PXDNL: variants seen among roughly 807,000 people sequenced by gnomAD.
PXDNL encodes peroxidasin like, also known as probable oxidoreductase PXDNL.
Under a neutral mutation model 150.8 loss-of-function variants are expected in PXDNL, and 145 were observed. The observed-to-expected ratio is 0.96, with a 90% CI of 0.84 to 1.10. PXDNL has a LOEUF of 1.10. PXDNL is among the 50% of genes least tolerant of loss of function. The probability of loss-of-function intolerance (pLI) is 0.00; values close to 1 mark genes in which losing one functional copy is unlikely to be tolerated. For synonymous variants in PXDNL, 757 were observed against 725.7 expected (o/e 1.04, Z -0.69); for missense variants, 2,087 against 1,873.9 (o/e 1.11, Z -2.10).
chr8:51,524,094 G>T (rs536941696), intron 4 of PXDNL, among the ~76,000 whole-genome samples: 88 of 152,128 alleles, frequency 5.8e-4, no homozygotes, highest in African/African-American at 2.0e-3. Context: ...TTGTCCACAG[G>T]GATTTGCCAC....
At chr8:51,325,449 T>C (rs1404073637) in intron 21 of PXDNL, among the ~76,000 whole-genome samples, 3 of 152,150 alleles carry the variant, frequency 2.0e-5, no homozygotes, top group Non-Finnish European at 4.4e-5. Context: ...GTTCTCTTCA[T>C]TACTGCTGGG....
chr8:51,740,565 C>T lies in PXDNL; in HGVS notation c.164+68616G>A, dbSNP rs569628969. On this transcript the variant is annotated intron_variant, in intron 1 of 22. Coordinates refer to ENST00000356297, the MANE Select transcript of PXDNL (RefSeq NM_144651.5). The stretch of plus-strand genomic sequence containing the variant: ...GGTATCTCATTGCGGTTTAGATTTG[C>T]ATTTCTCTAATGATCAGTGATTTGC... 1.5e-4 allele frequency among the ~76,000 whole-genome samples: 23 copies of T among 152,280 alleles called. No individual in the cohort carries two copies. In the South Asian group the frequency reaches 4.1e-3, roughly 27 times the overall value.
chr8:51,586,522 A>G (rs1230971714), intron 3 of PXDNL, among the ~76,000 whole-genome samples: 2 of 152,198 alleles, frequency 1.3e-5, no homozygotes, highest in Admixed American at 6.5e-5. Context: ...TAAGATTGTC[A>G]TTAAAACCCA....
chr8:51,477,946 G>T (rs916125470), intron 6 of PXDNL, among the ~76,000 whole-genome samples: 1 of 151,864 alleles, frequency 6.6e-6, no homozygotes, highest in Non-Finnish European at 1.5e-5. Context: ...ACAACAAAAG[G>T]ATATAGATTT....
At chr8:51,591,000 G>C (rs1424133051) in intron 3 of PXDNL, among the ~76,000 whole-genome samples, 1 of 152,206 alleles carries the variant, frequency 6.6e-6, no homozygotes, top group Admixed American at 6.5e-5. Flanking sequence ...TTGTCACTGT[G>C]ATGGTATTAA....
chr8:51,773,085 G>A (rs867953339), intron 1 of PXDNL, among the ~76,000 whole-genome samples: 2 of 152,184 alleles, frequency 1.3e-5, no homozygotes, highest in Non-Finnish European at 1.5e-5. Flanking sequence ...AGAAATAGCA[G>A]GATGATAATA....
chr8:51,545,763 G>A (rs4595114), intron 4 of PXDNL, among the ~76,000 whole-genome samples: 30,036 of 152,028 alleles, frequency 0.2, 3,647 homozygotes, highest in African/African-American at 0.33. Flanking sequence ...ATGAGGGCAC[G>A]GTCTTCTTGG....
intron 4 of PXDNL, among the ~76,000 whole-genome samples, chr8:51,530,381 C>A (rs993928270): frequency 5.3e-5 from 8 of 151,920 alleles, no homozygotes; most frequent in African/African-American, 1.9e-4. Flanking sequence ...AACAGTTCTC[C>A]GCTGCTCCTC....
chr8:51,346,364 T>C (rs1055520782), intron 19 of PXDNL, among the ~76,000 whole-genome samples: 1 of 152,206 alleles, frequency 6.6e-6, no homozygotes, highest in Non-Finnish European at 1.5e-5. Flanking sequence ...GCACACCTGA[T>C]ACCCACTAGG....
Position 51,677,870 on chromosome 8 carries a change from T to C in PXDNL, c.165-23110A>G, listed in dbSNP as rs186319588. Among the ~76,000 whole-genome samples, 8 of 152,350 alleles carry C rather than the reference T, an allele frequency of 5.3e-5. No individual in the cohort carries two copies. In the East Asian group the frequency reaches 1.5e-3, roughly 29 times the overall value. On this transcript the variant is annotated intron_variant, in intron 1 of 22. Transcript: ENST00000356297. ...TTTAACTCCTCAAGTATTTGGTAGC[T>C]GCACTAAACCATAAGGATAGCTGGG...
At chr8:51,422,985 A>G (rs1374344149) in intron 14 of PXDNL, among the ~76,000 whole-genome samples, 1 of 152,244 alleles carries the variant, frequency 6.6e-6, no homozygotes, top group Non-Finnish European at 1.5e-5. Flanking sequence ...TATATTTTTT[A>G]TAAGACTACA....
At chr8:51,666,162 C>A (rs1585659825) in intron 1 of PXDNL, among the ~76,000 whole-genome samples, 1 of 152,212 alleles carries the variant, frequency 6.6e-6, no homozygotes, top group African/African-American at 2.4e-5. Context: ...AGTCAGTGAA[C>A]TGGAGTCATC....
At chr8:51,468,462 T>C (rs1250180505) in intron 8 of PXDNL, among the ~76,000 whole-genome samples, 1 of 150,750 alleles carries the variant, frequency 6.6e-6, no homozygotes, top group African/African-American at 2.5e-5. Flanking sequence ...TTTGTTTACC[T>C]ATCGACTTTC....
At chr8:51,357,302 A>C (rs1355390046) in intron 19 of PXDNL, among the ~76,000 whole-genome samples, 1 of 152,228 alleles carries the variant, frequency 6.6e-6, no homozygotes. Flanking sequence ...GAGTACACAC[A>C]GAAGCAGCAC....
At chr8:51,700,795 TAC>T (rs1170428210) in intron 1 of PXDNL, among the ~76,000 whole-genome samples, 1 of 150,714 alleles carries the variant, frequency 6.6e-6, no homozygotes, top group Non-Finnish European at 1.5e-5. Flanking sequence ...TATAAACACA[TAC>T]ACACAAATGC....
intron 1 of PXDNL, among the ~76,000 whole-genome samples, chr8:51,729,832 C>T (rs1158606012): frequency 6.6e-6 from 1 of 152,094 alleles, no homozygotes; most frequent in Admixed American, 6.6e-5. Flanking sequence ...CATAAAAAGA[C>T]ATGGAGGAAA....
chr8:51,381,541 A>G (rs1394324780), intron 17 of PXDNL, among the ~76,000 whole-genome samples: 1 of 152,156 alleles, frequency 6.6e-6, no homozygotes, highest in Non-Finnish European at 1.5e-5. Flanking sequence ...TGGTAATACT[A>G]TTTGGAGGTA....
chr8:51,389,611 A>G (rs1032028972), intron 17 of PXDNL, among the ~76,000 whole-genome samples: 1 of 152,238 alleles, frequency 6.6e-6, no homozygotes. Context: ...ACTGATAATC[A>G]TGGGCCAAGA....
In PXDNL at chr8:51,475,011, G is replaced by C; in HGVS notation, c.655C>G (p.Arg219Gly). The change falls in exon 7 of 23, where the codon CGT becomes GGT. Residue 219 changes from arginine to glycine, a missense_variant. Arg to Gly is a moderately radical substitution (Grantham distance 125). Transcript: ENST00000356297. ...TCTACTGTTACTGAAGCAACTGCACGCCCATGGAGTCTCCTGGGATATTCG... is the reference window on the plus strand; with the variant it reads ...TCTACTGTTACTGAAGCAACTGCACCCCCATGGAGTCTCCTGGGATATTCG... ...TCEYPRRLHG[R>G]AVASVTVEEF... The C allele has an allele frequency of 6.2e-7, 1 of 1,609,532 alleles. No individual in the cohort carries two copies. The highest frequency in any genetic ancestry group is 1.1e-5 in the South Asian group (1 of 90,360).
Sources: allele counts gnomAD v4.1 joint callset (sites outside exome capture counted in the v4.1 genomes callset), GRCh38; gene constraint gnomAD v4.1.1; transcripts MANE v1.5; gene names NCBI Gene and HGNC (gene_info 2026-07-23, HGNC 2026-07-21).